DGKI: variants seen among roughly 807,000 people sequenced by gnomAD.
The protein encoded by DGKI is DAG kinase iota.
In DGKI, 55 loss-of-function variants were observed where a neutral mutation model predicts 147.5. The ratio of observed to expected loss-of-function variants is 0.37; its 90% CI spans 0.30 to 0.47. The LOEUF is 0.47. DGKI is among the 20% of genes least tolerant of loss of function. The probability of loss-of-function intolerance (pLI) is 1.00; values close to 1 mark genes in which losing one functional copy is unlikely to be tolerated. For synonymous variants in DGKI, 469 were observed against 477.1 expected (o/e 0.98, Z 0.22); for missense variants, 1,007 against 1,323.8 (o/e 0.76, Z 3.71).
intron 28 of DGKI, among the ~76,000 whole-genome samples, chr7:137,428,891 T>C (rs1048128759): frequency 1.3e-5 from 2 of 151,906 alleles, no homozygotes; most frequent in Admixed American, 6.6e-5. Flanking sequence ...AACTGCTCAA[T>C]GAAATAAAAG....
At chr7:137,495,868 A>T (rs907205519) in intron 21 of DGKI, among the ~76,000 whole-genome samples, 4 of 152,184 alleles carry the variant, frequency 2.6e-5, no homozygotes, top group Non-Finnish European at 5.9e-5. Flanking sequence ...GAATGGGTAA[A>T]ATCTGGAAGC....
At chr7:137,536,243 G>A (rs996946823) in intron 20 of DGKI, among the ~76,000 whole-genome samples, 7 of 152,106 alleles carry the variant, frequency 4.6e-5, no homozygotes, top group Non-Finnish European at 1.0e-4. Context: ...TGCAATCATA[G>A]GCAAGTTTCC....
intron 1 of DGKI, among the ~76,000 whole-genome samples, chr7:137,697,492 T>C (rs1274208049): frequency 6.6e-6 from 1 of 152,154 alleles, no homozygotes; most frequent in Non-Finnish European, 1.5e-5. Flanking sequence ...GGGAAAGAAA[T>C]GCCTAAAAAG....
chr7:137,541,139 A>C (rs1817688103), intron 20 of DGKI, among the ~76,000 whole-genome samples: 1 of 152,240 alleles, frequency 6.6e-6, no homozygotes, highest in South Asian at 2.1e-4. Flanking sequence ...TTTAAGAGTT[A>C]CTATAAAGGT....
chr7:137,539,959 C>T (rs760691852), intron 20 of DGKI, among the ~76,000 whole-genome samples: 1 of 152,174 alleles, frequency 6.6e-6, no homozygotes, highest in Non-Finnish European at 1.5e-5. Context: ...TACAACAACT[C>T]TACATACATT....
At chr7:137,638,632 G>GTATATATACACATATATACA (rs1563126028) in intron 6 of DGKI, among the ~76,000 whole-genome samples, 2 of 31,484 alleles carry the variant, frequency 6.4e-5, no homozygotes, top group African/African-American at 4.0e-4. Flanking sequence ...ATATATATGT[G>GTATATATACACATATATACA]TGTATATATG....
intron 18 of DGKI, 85 bp from the exon 19 acceptor site, chr7:137,571,371 A>G: frequency 3.4e-6 from 3 of 891,804 alleles, no homozygotes; most frequent in East Asian, 2.7e-5. Flanking sequence ...GTTAGACCCA[A>G]TGTTTATCAA....
chr7:137,620,012 T>TACACACGCAC, intron 7 of DGKI, 72 bp from the exon 8 acceptor site: 1 of 715,022 alleles, frequency 1.4e-6, no homozygotes, highest in Non-Finnish European at 2.3e-6. Context: ...GATAAATATG[T>TACACACGCAC]ACACACGCAC....
intron 2 of DGKI, among the ~76,000 whole-genome samples, chr7:137,687,399 C>T (rs1272604428): frequency 6.6e-6 from 1 of 152,126 alleles, no homozygotes; most frequent in African/African-American, 2.4e-5. Flanking sequence ...GAAGAGTAGA[C>T]TAATGGTAGA....
rs190401054 is a variant in DGKI, at chr7:137,481,468, T to C, written c.2373+3906A>G. On this transcript the variant is annotated intron_variant, in intron 23 of 32. Coordinates refer to ENST00000614521, the MANE Select transcript of DGKI (RefSeq NM_001321708.2). Reference sequence around the variant, plus strand: ...AATCTGCAAGTGCAATGCATTTTGCTTGTAAAACATATTAGTTACAGGTTA... The same window carrying C: ...AATCTGCAAGTGCAATGCATTTTGCCTGTAAAACATATTAGTTACAGGTTA... Among the ~76,000 whole-genome samples, 8 of 152,230 alleles carry C rather than the reference T, an allele frequency of 5.3e-5. No homozygotes were observed. The East Asian group carries it at 1.4e-3, about 26-fold the overall frequency.
intron 28 of DGKI, among the ~76,000 whole-genome samples, chr7:137,417,024 C>A (rs1174965591): frequency 6.6e-6 from 1 of 152,200 alleles, no homozygotes; most frequent in Non-Finnish European, 1.5e-5. Context: ...ATTTCCTCCA[C>A]ATAAAAAGAG....
rs1370009171 is a variant in DGKI, at chr7:137,638,500, A to ATG, written c.804+6970_804+6971dup. 2.1e-4 allele frequency among the ~76,000 whole-genome samples: 25 copies of ATG among 119,354 alleles called. 1 individual carries two copies. The highest frequency in any genetic ancestry group is 2.1e-3 in the East Asian group (8 of 3,842). 78.3% of individuals were successfully genotyped at this position (119,354 alleles called of 152,430 possible). A position where few individuals can be genotyped will look rare whatever the true frequency, so the allele number is the denominator to read the frequency against. On this transcript the variant is annotated intron_variant, in intron 6 of 32. Coordinates refer to ENST00000614521, the MANE Select transcript of DGKI (RefSeq NM_001321708.2). ...TGTGTATATATATACACACATATATATGTATATATATGTGTGTATATATAT... is the reference window on the plus strand; with the variant it reads ...TGTGTATATATATACACACATATATATGTGTATATATATGTGTGTATATATAT...
chr7:137,828,646 C>G (rs1042848027), intron 1 of DGKI, among the ~76,000 whole-genome samples: 1 of 152,162 alleles, frequency 6.6e-6, no homozygotes, highest in Non-Finnish European at 1.5e-5. Context: ...TTAGAACACC[C>G]TTGTGTGCAA....
At position 137,490,213 on chromosome 7, in the gene DGKI, A is replaced by G. The variant is rs539792958; in HGVS notation, c.2249-2524T>C. Among the ~76,000 whole-genome samples the G allele has an allele frequency of 5.9e-5, 9 of 152,320 alleles. No individual in the cohort carries two copies. In the South Asian group the frequency reaches 6.2e-4, roughly 11 times the overall value. On this transcript the variant is annotated intron_variant, in intron 21 of 32. Transcript: ENST00000614521. ...GCAATATGCAGTAGAAAGGATTTGCAGTCATCCACTGCTGGGTTTAAATCC... is the reference window on the plus strand; with the variant it reads ...GCAATATGCAGTAGAAAGGATTTGCGGTCATCCACTGCTGGGTTTAAATCC...
In DGKI at chr7:137,784,850, T is replaced by C. The variant is rs528213145; in HGVS notation, c.401+61612A>G. On this transcript the variant is annotated intron_variant, in intron 1 of 32. Coordinates refer to ENST00000614521, the MANE Select transcript of DGKI (RefSeq NM_001321708.2). ...TCAAAACCATATAAGCACATGGAAA[T>C]TAAATAACTTGTTCCTGAATGATCA... Among the ~76,000 whole-genome samples, 41 of 152,146 alleles carry C rather than the reference T, an allele frequency of 2.7e-4. 1 individual carries two copies. The highest frequency in any genetic ancestry group is 2.1e-3 in the Admixed American group (32 of 15,268).
rs915174558 is a variant in DGKI, at chr7:137,382,574, A to C, written c.*8646T>G. On this transcript the variant is annotated 3_prime_UTR_variant, in exon 33 of 33. Coordinates refer to ENST00000614521, the MANE Select transcript of DGKI (RefSeq NM_001321708.2). ...AATACCCCTTGAAGCCACTTTGAACAAATTTAATCTTTCTGTATGTTTCCT... is the reference window on the plus strand; with the variant it reads ...AATACCCCTTGAAGCCACTTTGAACCAATTTAATCTTTCTGTATGTTTCCT... 2.0e-5 allele frequency: 3 copies of C among 152,124 alleles called. No homozygotes were observed. The highest frequency in any genetic ancestry group is 4.4e-5 in the Non-Finnish European group (3 of 67,986). 9.4% of individuals were successfully genotyped at this position (152,124 alleles called of 1,614,324 possible).
At chr7:137,645,825 A>T (rs1326390380) in intron 5 of DGKI, among the ~76,000 whole-genome samples, 1 of 152,266 alleles carries the variant, frequency 6.6e-6, no homozygotes, top group African/African-American at 2.4e-5. Flanking sequence ...AGATGAGCCC[A>T]GAAACAAATA....
intron 23 of DGKI, among the ~76,000 whole-genome samples, chr7:137,478,752 T>C (rs1460473452): frequency 2.6e-5 from 4 of 152,104 alleles, no homozygotes; most frequent in Non-Finnish European, 5.9e-5. Context: ...GGGGTGAATA[T>C]TGGTTCCAGG....
rs10523881 is a variant in DGKI, at chr7:137,399,002, A to ATTTT, written c.2921-1593_2921-1590dup. 2.1e-3 allele frequency among the ~76,000 whole-genome samples: 311 copies of ATTTT among 145,512 alleles called. 7 individuals are homozygous for ATTTT. The highest frequency in any genetic ancestry group is 7.2e-3 in the Middle Eastern group (2 of 278). On this transcript the variant is annotated intron_variant, in intron 30 of 32. Transcript: ENST00000614521. The stretch of plus-strand genomic sequence containing the variant: ...TTCCTCAATTTGTTCCCAGGGTTCC[A>ATTTT]TTTTTTTTTTTTTCACAAAAGCTAA...
Sources: gnomAD v4.1 joint callset for allele counts (sites outside exome capture counted in the v4.1 genomes callset) on GRCh38, gnomAD v4.1.1 for gene constraint, MANE v1.5 for transcripts, NCBI Gene and HGNC (gene_info 2026-07-23, HGNC 2026-07-21) for gene names.